Variants in PRSS22 observed in about 807,000 individuals in gnomAD.
The protein encoded by PRSS22 is brain-specific serine protease 4.
PRSS22 carries 26 observed loss-of-function variants against 28.0 expected under a neutral mutation model. The ratio of observed to expected loss-of-function variants is 0.93; its 90% CI spans 0.68 to 1.29. The LOEUF is 1.29. Among genes scored for constraint, PRSS22 ranks in the 50% most tolerant of loss-of-function variants. The probability of loss-of-function intolerance (pLI) is 0.00; values close to 1 mark genes in which losing one functional copy is unlikely to be tolerated. For synonymous variants in PRSS22, 217 were observed against 177.9 expected (o/e 1.22, Z -1.75); for missense variants, 444 against 422.1 (o/e 1.05, Z -0.46).
intron 1 of PRSS22, chr16:2,857,741 G>C (rs2069476096): frequency 3.1e-6 from 1 of 324,310 alleles, no homozygotes; most frequent in Non-Finnish European, 5.6e-6. Flanking sequence ...AAGCAGCGGA[G>C]GACGAGGAGA....
rs373595924 is a variant in PRSS22 at position 2,853,207 on chromosome 16, C to A, written c.840G>T (p.Ala280=). 402 of 1,600,282 alleles carry A rather than the reference C, an allele frequency of 2.5e-4. 1 individual carries two copies. The highest frequency in any genetic ancestry group is 3.5e-4 in the Admixed American group (21 of 59,976). The change falls in exon 6 of 6, where the codon GCG becomes GCT. Residue 280 remains alanine, a synonymous_variant. Coordinates refer to ENST00000161006, the MANE Select transcript of PRSS22 (RefSeq NM_022119.4). The surrounding 1 kb of genome is among the most constrained non-coding windows in gnomAD (Gnocchi z 4.6). The part of the protein sequence containing the change: ...NRPGVYISLS[A]HRSWVEKIVQ... ...CGATCTTCTCCACCCAGGAGCGGTG[C>A]GCAGAGAGGCTGATGTAGACCCCGG...
intron 1 of PRSS22, chr16:2,857,284 C>CTCCCCAGCGCCCAGTGAGGAGGGG (rs1596326873): frequency 6.4e-5 from 3 of 46,850 alleles, no homozygotes; most frequent in South Asian, 5.9e-4. Flanking sequence ...GTGAGGAGGG[C>CTCCCCAGCGCCCAGTGAGGAGGGG]TCCCCAGCGC....
intron 2 of PRSS22, 78 bp downstream of exon 2, chr16:2,856,744 G>T: frequency 6.7e-7 from 1 of 1,497,746 alleles, no homozygotes. Flanking sequence ...CCTGTGCCCA[G>T]GGGACGGACA....
intron 4 of PRSS22, 34 bp from the exon 5 acceptor site, chr16:2,854,056 G>T (rs1284059395): frequency 1.9e-6 from 3 of 1,613,002 alleles, no homozygotes; most frequent in Admixed American, 1.7e-5. Context: ...AGGTTTGGGG[G>T]TCTCCCCTCC....
chr16:2,852,840 G>GC lies in PRSS22; in HGVS notation c.*252_*253insG. The GC allele has an allele frequency of 8.1e-6, 3 of 368,740 alleles. No homozygotes were observed. The highest frequency in any genetic ancestry group is 8.7e-6 in the Non-Finnish European group (2 of 229,858). The allele number at this position is 368,740 out of a possible 1,614,324, so 22.8% of individuals were successfully genotyped here. On this transcript the variant is annotated 3_prime_UTR_variant, in exon 6 of 6. Transcript: ENST00000161006. ...TATATACACAAAAGCGCTGGGGCCCGGGGCGGGGCCGGAAGTCGTGGGGGC... is the reference window on the plus strand; with the variant it reads ...TATATACACAAAAGCGCTGGGGCCCGCGGGCGGGGCCGGAAGTCGTGGGGGC...
chr16:2,854,856 T>C (rs910488151), intron 4 of PRSS22, among the ~76,000 whole-genome samples: 2 of 152,156 alleles, frequency 1.3e-5, no homozygotes, highest in Non-Finnish European at 2.9e-5. Flanking sequence ...GGCTGCATTT[T>C]CTCCCGAGAA....
intron 2 of PRSS22, 68 bp downstream of exon 2, chr16:2,856,754 A>T: frequency 6.5e-7 from 1 of 1,530,544 alleles, no homozygotes; most frequent in Non-Finnish European, 8.9e-7. Flanking sequence ...GGGGACGGAC[A>T]CATAGACACT....
chr16:2,855,873 G>C (rs778398303), intron 3 of PRSS22, 22 bp from the exon 4 acceptor site: 23 of 1,603,210 alleles, frequency 1.4e-5, no homozygotes, highest in Non-Finnish European at 2.0e-5. Context: ...GGGAAGGGGA[G>C]GATCAGCCAG....
chr16:2,856,472 A>T (rs1328143240), intron 2 of PRSS22, among the ~76,000 whole-genome samples: 2 of 138,400 alleles, frequency 1.4e-5, no homozygotes, highest in Non-Finnish European at 3.1e-5. Flanking sequence ...AGCTCCGCCC[A>T]CCTCCCCGTC....
Position 2,854,040 on chromosome 16 carries a change from A to G in PRSS22, c.560-18T>C. On this transcript the variant is annotated intron_variant, in intron 4 of 5. Coordinates refer to ENST00000161006, the MANE Select transcript of PRSS22 (RefSeq NM_022119.4). Reference sequence around the variant, plus strand: ...CAAGGGAACTGGGAGGAAAGAGGACAGAATCAGGTTTGGGGGTCTCCCCTC... The same window carrying G: ...CAAGGGAACTGGGAGGAAAGAGGACGGAATCAGGTTTGGGGGTCTCCCCTC... 6.2e-7 allele frequency: 1 copy of G among 1,614,022 alleles called. No homozygotes were observed. Among genetic ancestry groups the G allele is most frequent in the East Asian group, 2.2e-5 (1 of 44,880 alleles).
Position 2,855,649 on chromosome 16 carries a change from G to A in PRSS22, c.484C>T (p.Leu162=). Reference sequence around the variant, plus strand: ...GGGAGGTGGATAGAGGCATCAGGTAGGCAGATGGGCAGGACCCGCTCTGAG... The same window carrying A: ...GGGAGGTGGATAGAGGCATCAGGTAAGCAGATGGGCAGGACCCGCTCTGAG... ...QFSERVLPIC[L]PDASIHLPPN... The change falls in exon 4 of 6, where the codon CTA becomes TTA. Residue 162 remains leucine, a synonymous_variant. Transcript: ENST00000161006. The A allele has an allele frequency of 6.2e-7, 1 of 1,614,192 alleles. No individual in the cohort carries two copies. The highest frequency in any genetic ancestry group is 8.5e-7 in the Non-Finnish European group (1 of 1,180,034).
At position 2,853,250 on chromosome 16, in the gene PRSS22, C is replaced by T. The variant is rs1385686723; in HGVS notation, c.797G>A (p.Cys266Tyr). 6.2e-7 allele frequency: 1 copy of T among 1,600,916 alleles called. No individual in the cohort carries two copies. The highest frequency in any genetic ancestry group is 8.5e-7 in the Non-Finnish European group (1 of 1,179,728). ...GACCCCGGGCCTGTTGCGCTCGGCA[C>T]AGCCCTCGCCCCAGCTGATGATGCC... ...LAGIISWGEG[C>Y]AERNRPGVYI... Residue 266 changes from cysteine (C) to tyrosine (Y), a missense_variant, in exon 6 of 6, where the codon TGT becomes TAT. Cys to Tyr is a radical substitution (Grantham distance 194). Coordinates refer to ENST00000161006, the MANE Select transcript of PRSS22 (RefSeq NM_022119.4). The surrounding 1 kb of genome is among the most constrained non-coding windows in gnomAD (Gnocchi z 4.6).
Position 2,853,408 on chromosome 16 carries a change from C to T in PRSS22, c.718-79G>A. The stretch of plus-strand genomic sequence containing the variant: ...CCAGGGCCCGTGCCCTGTCAGGGGG[C>T]AGATGAGCCCCTTCCCGGGAGCCCG... On this transcript the variant is annotated intron_variant, in intron 5 of 5. Coordinates refer to ENST00000161006, the MANE Select transcript of PRSS22 (RefSeq NM_022119.4). This position sits in a 1 kb window ranked among gnomAD's most constrained non-coding sequence, Gnocchi z 4.6. 2.5e-6 allele frequency: 3 copies of T among 1,182,626 alleles called. No individual in the cohort carries two copies. The highest frequency in any genetic ancestry group is 2.8e-5 in the South Asian group (2 of 71,186). The allele number at this position is 1,182,626 out of a possible 1,614,324, so 73.3% of individuals were successfully genotyped here. A position where few individuals can be genotyped will look rare whatever the true frequency, so the allele number is the denominator to read the frequency against.
intron 1 of PRSS22, 89 bp downstream of exon 1, chr16:2,857,934 G>T: frequency 9.9e-7 from 1 of 1,008,808 alleles, no homozygotes; most frequent in Non-Finnish European, 1.3e-6. Flanking sequence ...GATGAGAGAG[G>T]CAAGGCCAGG....
chr16:2,855,815 C>T lies in PRSS22; in HGVS notation c.318G>A (p.Leu106=). The change falls in exon 4 of 6, where the codon CTG becomes CTA. Residue 106 remains leucine (L), a synonymous_variant. Transcript: ENST00000161006. ...LNKPYLFSVL[L]GAWQLGNPGS... ...CAGGGTTCCCCAGCTGCCAGGCCCC[C>T]AGCAGCACAGAGAACAGGTATGGTT... is the stretch of plus-strand genomic sequence containing the variant. 6.2e-7 allele frequency: 1 copy of T among 1,613,602 alleles called. No homozygotes were observed. Among genetic ancestry groups the T allele is most frequent in the Non-Finnish European group, 8.5e-7 (1 of 1,179,996 alleles).
At chr16:2,857,831 C>T (rs960336610) in intron 1 of PRSS22, 192 bp downstream of exon 1, 7 of 419,856 alleles carry the variant, frequency 1.7e-5, no homozygotes, top group Non-Finnish European at 2.4e-5. Flanking sequence ...TGCGTACTTG[C>T]TGCGTTTTCT....
chr16:2,855,483 C>CCTTT lies in PRSS22; in HGVS notation c.559+87_559+90dup, dbSNP rs1233392191. The CCTTT allele has an allele frequency of 2.1e-6, 3 of 1,459,204 alleles. No homozygotes were observed. The African/African-American group carries it at 4.2e-5, about 20-fold the overall frequency. The allele number at this position is 1,459,204 out of a possible 1,614,324, so 90.4% of individuals were successfully genotyped here. A position where few individuals can be genotyped will look rare whatever the true frequency, so the allele number is the denominator to read the frequency against. ...GTCATGCTGTGCCTCTGGCCTCCACCCTTTGTTGCTCATGGTGTCTGTGTC... is the reference window on the plus strand; with the variant it reads ...GTCATGCTGTGCCTCTGGCCTCCACCCTTTCTTTGTTGCTCATGGTGTCTGTGTC... On this transcript the variant is annotated intron_variant, in intron 4 of 5. Coordinates refer to ENST00000161006, the MANE Select transcript of PRSS22 (RefSeq NM_022119.4).
chr16:2,855,941 C>T, intron 3 of PRSS22, 90 bp from the exon 4 acceptor site: 1 of 1,519,798 alleles, frequency 6.6e-7, no homozygotes, highest in Non-Finnish European at 8.8e-7. Context: ...CCCCTGAAGG[C>T]AGGAGAGGCT....
intron 4 of PRSS22, among the ~76,000 whole-genome samples, chr16:2,855,012 A>G (rs2069441238): frequency 6.6e-6 from 1 of 152,072 alleles, no homozygotes; most frequent in South Asian, 2.1e-4. Context: ...GAATAGCTTC[A>G]CGGGTCTGGC....
Sources: allele counts gnomAD v4.1 joint callset (sites outside exome capture counted in the v4.1 genomes callset), GRCh38; gene constraint gnomAD v4.1.1; non-coding constraint Gnocchi (gnomAD v3.1); transcripts MANE v1.5; gene names NCBI Gene and HGNC (gene_info 2026-07-23, HGNC 2026-07-21).